KDM4C: variants seen among roughly 807,000 people sequenced by gnomAD.
KDM4C encodes lysine demethylase 4C, also known as lysine-specific demethylase 4C.
Under a neutral mutation model 129.3 loss-of-function variants are expected in KDM4C, and 81 were observed. That is an observed-to-expected ratio of 0.63 (90% CI 0.52 to 0.75). KDM4C has a LOEUF of 0.75. Among genes scored for constraint, KDM4C ranks in the 30% least tolerant of loss-of-function variants. KDM4C has a pLI of 0.00. For synonymous variants in KDM4C, 573 were observed against 456.1 expected, an observed-to-expected ratio of 1.26 and a Z score of -3.26; for missense variants, 1,457 against 1,304.0, an observed-to-expected ratio of 1.12 and a Z score of -1.81.
At chr9:6,927,471 T>A (rs1822844694) in intron 8 of KDM4C, among the ~76,000 whole-genome samples, 1 of 152,204 alleles carries the variant, frequency 6.6e-6, no homozygotes, top group African/African-American at 2.4e-5. Context: ...CTGTAGCTTC[T>A]ATATTTTATA....
chr9:7,002,430 A>G (rs139583337), intron 12 of KDM4C, among the ~76,000 whole-genome samples: 135 of 152,320 alleles, frequency 8.9e-4, no homozygotes, highest in African/African-American at 3.0e-3. Context: ...CCTTAAATAC[A>G]TAATATTTTG....
intron 4 of KDM4C, among the ~76,000 whole-genome samples, chr9:6,816,315 A>G (rs1832073272): frequency 1.3e-5 from 2 of 152,220 alleles, no homozygotes; most frequent in Non-Finnish European, 2.9e-5. Context: ...ATTATTGTAA[A>G]GTGAACACCT....
intron 17 of KDM4C, chr9:7,076,939 C>G (rs548458538): frequency 2.0e-6 from 2 of 986,238 alleles, no homozygotes; most frequent in East Asian, 2.3e-4. Flanking sequence ...AGAAGTTACA[C>G]CATTTTTCTA....
At chr9:7,112,919 T>G (rs1241062178) in intron 18 of KDM4C, among the ~76,000 whole-genome samples, 1 of 152,220 alleles carries the variant, frequency 6.6e-6, no homozygotes, top group Non-Finnish European at 1.5e-5. Context: ...CTTTAACAAT[T>G]TGGATATTGC....
At chr9:7,066,023 T>G (rs1321143278) in intron 17 of KDM4C, among the ~76,000 whole-genome samples, 1 of 151,152 alleles carries the variant, frequency 6.6e-6, no homozygotes, top group Non-Finnish European at 1.5e-5. Flanking sequence ...GTAATTGAGA[T>G]CCGCATAAAA....
intron 4 of KDM4C, among the ~76,000 whole-genome samples, chr9:6,847,765 G>A (rs1267420228): frequency 6.6e-6 from 1 of 152,200 alleles, no homozygotes; most frequent in Admixed American, 6.5e-5. Flanking sequence ...GTTGTAGATA[G>A]AGTGGCTACT....
intron 18 of KDM4C, chr9:7,105,559 C>A (rs1336933691): frequency 2.3e-6 from 1 of 437,736 alleles, no homozygotes; most frequent in East Asian, 7.2e-5. Flanking sequence ...AGGTTTAATT[C>A]CTTGCCCAAA....
chr9:6,781,489 C>T (rs1824330674), intron 1 of KDM4C, among the ~76,000 whole-genome samples: 1 of 151,994 alleles, frequency 6.6e-6, no homozygotes, highest in Non-Finnish European at 1.5e-5. Context: ...CCTTATGTAA[C>T]ATGAATTTTT....
chr9:7,147,724 T>G (rs1842343512), intron 19 of KDM4C, among the ~76,000 whole-genome samples: 1 of 152,154 alleles, frequency 6.6e-6, no homozygotes. Flanking sequence ...GAGCTACATG[T>G]GTGGCAGGCA....
chr9:7,072,530 C>T (rs60966313), intron 17 of KDM4C, among the ~76,000 whole-genome samples: 361 of 152,200 alleles, frequency 2.4e-3, no homozygotes, highest in African/African-American at 8.1e-3. Flanking sequence ...CAAAAGGCTC[C>T]GTACTGTTGA....
chr9:6,768,883 C>T (rs1051799418), intron 1 of KDM4C, among the ~76,000 whole-genome samples: 1 of 152,054 alleles, frequency 6.6e-6, no homozygotes, highest in Admixed American at 6.6e-5. Context: ...AGTGATTCTC[C>T]TGCCTCAGCC....
intron 1 of KDM4C, among the ~76,000 whole-genome samples, chr9:6,790,519 G>A (rs1369238870): frequency 6.6e-6 from 1 of 151,194 alleles, no homozygotes; most frequent in African/African-American, 2.4e-5. Context: ...CTCCCAGAGT[G>A]CGGGGATTAT....
intron 1 of KDM4C, among the ~76,000 whole-genome samples, chr9:6,790,186 G>GA (rs1230327259): frequency 7.0e-6 from 1 of 143,424 alleles, no homozygotes; most frequent in Admixed American, 6.9e-5. Flanking sequence ...TTACAGGCGT[G>GA]AGCCACCGCG....
chr9:7,086,003 A>G (rs910820226), intron 17 of KDM4C, among the ~76,000 whole-genome samples: 29 of 152,132 alleles, frequency 1.9e-4, no homozygotes, highest in African/African-American at 6.3e-4. Flanking sequence ...TAAAAATGCA[A>G]AAACATTAGC....
intron 6 of KDM4C, among the ~76,000 whole-genome samples, chr9:6,884,410 T>C (rs1317594550): frequency 6.6e-6 from 1 of 152,210 alleles, no homozygotes; most frequent in African/African-American, 2.4e-5. Flanking sequence ...AGTACATCTG[T>C]TTCTGAAAGC....
Position 7,118,316 on chromosome 9 carries a change from G to A in KDM4C, c.2611-9750G>A, listed in dbSNP as rs78652298. Among the ~76,000 whole-genome samples the A allele has an allele frequency of 5.7e-3, 875 of 152,266 alleles. 10 individuals are homozygous for A. The highest frequency in any genetic ancestry group is 0.02 in the African/African-American group (837 of 41,546). ...ATGTGGAAAATTAAATACTTGTGAC[G>A]TTTTGATGAGTCATATGTGTATTTG... On this transcript the variant is annotated intron_variant, in intron 18 of 21. Coordinates refer to ENST00000381309, the MANE Select transcript of KDM4C (RefSeq NM_015061.6).
At chr9:6,786,816 G>T (rs1415121387) in intron 1 of KDM4C, among the ~76,000 whole-genome samples, 1 of 152,074 alleles carries the variant, frequency 6.6e-6, no homozygotes, top group African/African-American at 2.4e-5. Flanking sequence ...GCACCTCCCA[G>T]AAAAAGAAAT....
chr9:6,821,923 C>T (rs140718543), intron 4 of KDM4C, among the ~76,000 whole-genome samples: 5 of 152,192 alleles, frequency 3.3e-5, no homozygotes, highest in Non-Finnish European at 7.3e-5. Flanking sequence ...GCGTGAGCTG[C>T]TGTGCCCGGC....
intron 6 of KDM4C, among the ~76,000 whole-genome samples, 156 bp downstream of exon 6, chr9:6,880,217 A>G (rs1378241334): frequency 2.0e-5 from 3 of 151,592 alleles, no homozygotes; most frequent in Non-Finnish European, 4.4e-5. Context: ...TTAATTGAAC[A>G]ATTTTAAATT....
Sources: gnomAD v4.1 joint callset for allele counts (sites outside exome capture counted in the v4.1 genomes callset) on GRCh38, gnomAD v4.1.1 for gene constraint, MANE v1.5 for transcripts, NCBI Gene and HGNC (gene_info 2026-07-23, HGNC 2026-07-21) for gene names.